Variants in CYP2C18 observed in about 807,000 individuals in gnomAD.
CYP2C18 encodes cytochrome P450 family 2 subfamily C member 18.
CYP2C18 carries 38 observed loss-of-function variants against 41.3 expected under a neutral mutation model. The observed-to-expected ratio is 0.92, with a 90% confidence interval of 0.71 to 1.21. CYP2C18 has a LOEUF of 1.21. Among genes scored for constraint, CYP2C18 ranks in the 50% most tolerant of loss-of-function variants. The pLI is 0.00. For missense variants in CYP2C18, 635 were observed against 591.4 expected (o/e 1.07, Z -0.77); for synonymous variants, 236 against 210.0 (o/e 1.12, Z -1.07).
intron 4 of CYP2C18, among the ~76,000 whole-genome samples, chr10:94,697,355 C>A (rs923248087): frequency 2.0e-5 from 3 of 152,120 alleles, no homozygotes; most frequent in African/African-American, 7.2e-5. Context: ...AATTTTCAAC[C>A]CAGAATTTCA....
Position 94,706,798 on chromosome 10 carries a change from C to CCCTGCT in CYP2C18, c.659_664dup (p.Pro220_Ala221dup). 6.3e-7 allele frequency: 1 copy of CCCTGCT among 1,588,292 alleles called. No homozygotes were observed. The highest frequency in any genetic ancestry group is 8.6e-7 in the Non-Finnish European group (1 of 1,162,838). ...AAATCTTTAAGGTCTGCAATAATTT[C>CCCTGCT]CCTGCTCTCATCGATTATCTCCCAG... On this transcript the variant is annotated inframe_insertion, in exon 5 of 9. Transcript: ENST00000285979.
At chr10:94,720,324 A>G (rs1847625680) in intron 5 of CYP2C18, 72 bp from the exon 6 acceptor site, 1 of 1,342,042 alleles carries the variant, frequency 7.5e-7, no homozygotes. Context: ...ACAACCTGAT[A>G]TATTTTGGAT....
intron 7 of CYP2C18, 130 bp downstream of exon 7, chr10:94,724,663 C>G: frequency 1.2e-6 from 1 of 853,474 alleles, no homozygotes; most frequent in Admixed American, 2.3e-5. Context: ...TTTCTGGACT[C>G]TGCTGTTTCC....
chr10:94,735,156 G>A (rs966236940), intron 8 of CYP2C18, 107 bp from the exon 9 acceptor site: 73 of 1,146,018 alleles, frequency 6.4e-5, no homozygotes, highest in Non-Finnish European at 7.5e-5. Flanking sequence ...TTCTGCCTTC[G>A]ATCCATCCAT....
intron 7 of CYP2C18, among the ~76,000 whole-genome samples, chr10:94,729,112 C>A (rs1429601597): frequency 6.6e-6 from 1 of 152,088 alleles, no homozygotes; most frequent in Non-Finnish European, 1.5e-5. Context: ...TGAGTTAGAA[C>A]ACTGTTGTTG....
chr10:94,694,912 T>G lies in CYP2C18; in HGVS notation c.482-5T>G, dbSNP rs112350653. On this transcript the variant is annotated splice_polypyrimidine_tract_variant and splice_region_variant and intron_variant, in intron 3 of 8. Transcript: ENST00000285979. ...TGGTAATTTAAAATATTTCCAATCC[T>G]TTAGCCTCACCCTGTGATCCCACTT... 1.3e-5 allele frequency: 21 copies of G among 1,611,238 alleles called. No homozygotes were observed. In the African/African-American group the frequency reaches 1.5e-4, roughly 11 times the overall value.
chr10:94,709,932 C>T (rs1847407546), intron 5 of CYP2C18, among the ~76,000 whole-genome samples: 1 of 151,976 alleles, frequency 6.6e-6, no homozygotes, highest in Non-Finnish European at 1.5e-5. Flanking sequence ...TTTTTAGACT[C>T]TAAATTCTAT....
In CYP2C18 at chr10:94,735,411, A is replaced by G. The variant is rs115308818; in HGVS notation, c.1440A>G (p.Pro480=). Reference sequence around the variant, plus strand: ...TTGCCAATGCATTTGGTCGTGTGCCACCCTTGTACCAGCTCTGCTTCATTC... The same window carrying G: ...TTGCCAATGCATTTGGTCGTGTGCCGCCCTTGTACCAGCTCTGCTTCATTC... ...TPIANAFGRV[P]PLYQLCFIPV Residue 480 remains proline, a synonymous_variant, in exon 9 of 9, where the codon CCA becomes CCG. Coordinates refer to ENST00000285979, the MANE Select transcript of CYP2C18 (RefSeq NM_000772.3). 43 of 1,613,648 alleles carry G rather than the reference A, an allele frequency of 2.7e-5. 1 individual carries two copies. The Middle Eastern group carries it at 6.6e-4, about 25-fold the overall frequency.
intron 3 of CYP2C18, among the ~76,000 whole-genome samples, chr10:94,689,799 C>G (rs750398968): frequency 2.0e-4 from 30 of 152,142 alleles, no homozygotes; most frequent in Non-Finnish European, 3.7e-4. Flanking sequence ...CCATGATACA[C>G]CATGGATACA....
At chr10:94,712,573 C>A (rs2134195351) in intron 5 of CYP2C18, among the ~76,000 whole-genome samples, 1 of 152,144 alleles carries the variant, frequency 6.6e-6, no homozygotes, top group Non-Finnish European at 1.5e-5. Flanking sequence ...ACCACATTTT[C>A]TTTATCCATT....
intron 3 of CYP2C18, among the ~76,000 whole-genome samples, chr10:94,691,640 C>T (rs748659005): frequency 6.6e-6 from 1 of 152,194 alleles, no homozygotes; most frequent in African/African-American, 2.4e-5. Flanking sequence ...ATCAAGCTAA[C>T]AATGACTTTC....
intron 7 of CYP2C18, among the ~76,000 whole-genome samples, chr10:94,730,145 C>T (rs1346314050): frequency 2.0e-5 from 3 of 152,022 alleles, no homozygotes; most frequent in Non-Finnish European, 4.4e-5. Context: ...CATTAATTTT[C>T]TATTTTAGCT....
At chr10:94,685,659 C>T (rs755884119) in intron 1 of CYP2C18, among the ~76,000 whole-genome samples, 9 of 152,030 alleles carry the variant, frequency 5.9e-5, no homozygotes, top group Non-Finnish European at 1.3e-4. Flanking sequence ...AGTGCTTTCC[C>T]CATTGTATGT....
intron 4 of CYP2C18, among the ~76,000 whole-genome samples, chr10:94,701,413 G>A (rs112341829): frequency 2.0e-5 from 3 of 152,108 alleles, no homozygotes; most frequent in African/African-American, 7.2e-5. Context: ...GGTGGGAATT[G>A]AACAGTGAGA....
chr10:94,696,569 G>C (rs1847120721), intron 4 of CYP2C18, among the ~76,000 whole-genome samples: 1 of 152,134 alleles, frequency 6.6e-6, no homozygotes, highest in Admixed American at 6.6e-5. Flanking sequence ...AAAAATCAGA[G>C]TGCCTCTCCT....
intron 7 of CYP2C18, among the ~76,000 whole-genome samples, chr10:94,730,094 T>C (rs183128249): frequency 2.0e-5 from 3 of 152,276 alleles, no homozygotes; most frequent in East Asian, 3.9e-4. Flanking sequence ...TATAAAGAGT[T>C]GGATTTTTCT....
chr10:94,684,487 T>G (rs1846847983), intron 1 of CYP2C18, among the ~76,000 whole-genome samples: 1 of 152,202 alleles, frequency 6.6e-6, no homozygotes. Flanking sequence ...TTAATTAATA[T>G]GATGTTCTGT....
At position 94,687,760 on chromosome 10, in the gene CYP2C18, C is replaced by T. The variant is rs141719908; in HGVS notation, c.169-10C>T. 1.3e-5 allele frequency: 21 copies of T among 1,607,644 alleles called. No homozygotes were observed. The African/African-American group carries it at 1.6e-4, about 12-fold the overall frequency. ...TTTGCTACTATTTGAACCTCCTTTT[C>T]TATGTTTAGTTCTCAAAAGTCTATG... is the stretch of plus-strand genomic sequence containing the variant. On this transcript the variant is annotated splice_polypyrimidine_tract_variant and intron_variant, in intron 1 of 8. Transcript: ENST00000285979.
intron 5 of CYP2C18, among the ~76,000 whole-genome samples, chr10:94,711,626 G>T (rs182878539): frequency 2.0e-5 from 3 of 151,874 alleles, no homozygotes; most frequent in Non-Finnish European, 2.9e-5. Flanking sequence ...GCCCAGGCTG[G>T]AGTGGACCTC....
Sources: gnomAD v4.1 joint callset for allele counts (sites outside exome capture counted in the v4.1 genomes callset) on GRCh38, gnomAD v4.1.1 for gene constraint, MANE v1.5 for transcripts, NCBI Gene and HGNC (gene_info 2026-07-23, HGNC 2026-07-21) for gene names.